Variants in EPHA6 observed in about 807,000 individuals in gnomAD.
EPHA6 encodes the protein EPH receptor A6, also known as ephrin type-A receptor 6.
EPHA6 carries 50 observed loss-of-function variants against 112.0 expected under a neutral mutation model. The ratio of observed to expected loss-of-function variants is 0.45; its 90% CI spans 0.36 to 0.56. The LOEUF (loss-of-function observed/expected upper bound fraction) is 0.56, where lower values mean the gene tolerates loss of function less well. Ranked by LOEUF, EPHA6 falls within the 20% of genes least tolerant of loss-of-function variation. EPHA6 has a pLI of 0.00. For missense variants in EPHA6, 1,280 were observed against 1,417.4 expected (o/e 0.90, Z 1.56); for synonymous variants, 529 against 490.7 (o/e 1.08, Z -1.03).
intron 2 of EPHA6, among the ~76,000 whole-genome samples, chr3:96,892,952 A>ATGTGTGTGTGTGTG (rs755651627): frequency 1.2e-4 from 17 of 140,784 alleles, no homozygotes; most frequent in African/African-American, 4.5e-4. Context: ...ATATATATAT[A>ATGTGTGTGTGTGTG]TATGTGTGTG....
intron 5 of EPHA6, among the ~76,000 whole-genome samples, chr3:97,255,756 G>A (rs2079290045): frequency 6.6e-6 from 1 of 152,060 alleles, no homozygotes; most frequent in South Asian, 2.1e-4. Context: ...AGTTGTAGCA[G>A]TTTATGTTAA....
At chr3:97,112,537 G>A (rs375288201) in intron 3 of EPHA6, among the ~76,000 whole-genome samples, 4 of 152,098 alleles carry the variant, frequency 2.6e-5, no homozygotes, top group African/African-American at 9.7e-5. Context: ...TTGTTTCAAA[G>A]GTGATAGTTT....
chr3:97,366,005 G>T (rs1423713588), intron 5 of EPHA6, among the ~76,000 whole-genome samples: 1 of 152,074 alleles, frequency 6.6e-6, no homozygotes, highest in Non-Finnish European at 1.5e-5. Flanking sequence ...AATTCATATT[G>T]CACCATCAAA....
At chr3:97,348,088 A>G (rs545300288) in intron 5 of EPHA6, among the ~76,000 whole-genome samples, 6 of 152,164 alleles carry the variant, frequency 3.9e-5, no homozygotes, top group Admixed American at 2.6e-4. Context: ...TTTTACATAC[A>G]TGCTTTCTAT....
intron 11 of EPHA6, among the ~76,000 whole-genome samples, chr3:97,536,552 C>T (rs2092767062): frequency 2.6e-5 from 4 of 152,082 alleles, no homozygotes; most frequent in East Asian, 1.9e-4. Flanking sequence ...GAAGTTATAA[C>T]AGAAAGTGCT....
chr3:97,492,974 CT>C (rs373733285), intron 10 of EPHA6, among the ~76,000 whole-genome samples: 7,994 of 130,744 alleles, frequency 0.061, 203 homozygotes, highest in South Asian at 0.095. Context: ...TAAGCTTTTC[CT>C]TTTTTTTTTT....
intron 12 of EPHA6, among the ~76,000 whole-genome samples, chr3:97,607,878 G>A (rs908959195): frequency 6.6e-6 from 1 of 151,032 alleles, no homozygotes; most frequent in Admixed American, 6.6e-5. Flanking sequence ...TACTGGAAAA[G>A]ACCAAAAAAC....
chr3:97,534,212 C>T (rs1217758363), intron 11 of EPHA6, among the ~76,000 whole-genome samples: 1 of 152,140 alleles, frequency 6.6e-6, no homozygotes, highest in Non-Finnish European at 1.5e-5. Flanking sequence ...ATTTAGCACC[C>T]TTTGTGCATC....
intron 6 of EPHA6, among the ~76,000 whole-genome samples, chr3:97,434,886 T>G (rs1048583952): frequency 6.6e-6 from 1 of 151,918 alleles, no homozygotes; most frequent in Non-Finnish European, 1.5e-5. Flanking sequence ...TTTCTTGCCC[T>G]TCTTCCCACC....
intron 10 of EPHA6, among the ~76,000 whole-genome samples, chr3:97,503,046 G>T (rs996966027): frequency 8.6e-5 from 13 of 151,592 alleles, no homozygotes; most frequent in African/African-American, 3.1e-4. Context: ...AAAAGGAAAA[G>T]AAGATATAAC....
At chr3:97,148,620 T>C (rs2076097430) in intron 3 of EPHA6, among the ~76,000 whole-genome samples, 1 of 152,112 alleles carries the variant, frequency 6.6e-6, no homozygotes. Flanking sequence ...ACTGTGTTAA[T>C]TCTCTATTTT....
At chr3:97,000,979 T>C (rs2043633628) in intron 3 of EPHA6, among the ~76,000 whole-genome samples, 1 of 132,346 alleles carries the variant, frequency 7.6e-6, no homozygotes, top group African/African-American at 3.2e-5. Context: ...AGCTTCTTAC[T>C]TTTTTTTTCT....
chr3:97,011,994 C>CT (rs1422084845), intron 3 of EPHA6, among the ~76,000 whole-genome samples: 2 of 152,086 alleles, frequency 1.3e-5, no homozygotes, highest in East Asian at 1.9e-4. Flanking sequence ...ATTTCTTTCT[C>CT]TTTTTTGTGG....
intron 5 of EPHA6, among the ~76,000 whole-genome samples, chr3:97,363,436 A>G (rs1281112562): frequency 6.7e-6 from 1 of 149,616 alleles, no homozygotes; most frequent in Non-Finnish European, 1.5e-5. Context: ...TTATCTCATT[A>G]TAAAAGAATT....
intron 3 of EPHA6, among the ~76,000 whole-genome samples, chr3:97,186,861 G>A (rs1164022431): frequency 6.6e-6 from 1 of 152,010 alleles, no homozygotes; most frequent in African/African-American, 2.4e-5. Context: ...CTTTTCACCT[G>A]TAACTACAAG....
At chr3:97,246,877 T>A (rs888021504) in intron 5 of EPHA6, among the ~76,000 whole-genome samples, 13 of 152,110 alleles carry the variant, frequency 8.5e-5, no homozygotes, top group Admixed American at 6.6e-4. Context: ...GTAAGGGTAA[T>A]GTTATGAACT....
At chr3:96,960,169 T>C (rs965572844) in intron 2 of EPHA6, among the ~76,000 whole-genome samples, 8 of 152,072 alleles carry the variant, frequency 5.3e-5, no homozygotes, top group African/African-American at 1.9e-4. Context: ...TAAGGACTAT[T>C]TTGAGGTATG....
chr3:97,700,353 C>T (rs1159102902), intron 14 of EPHA6, among the ~76,000 whole-genome samples: 1 of 152,134 alleles, frequency 6.6e-6, no homozygotes, highest in Non-Finnish European at 1.5e-5. Context: ...CTTCGATGAC[C>T]ATGTGGGATG....
chr3:97,740,191 T>G (rs905549977), intron 16 of EPHA6, among the ~76,000 whole-genome samples: 4 of 152,114 alleles, frequency 2.6e-5, no homozygotes, highest in African/African-American at 9.7e-5. Context: ...TATTCTGCAT[T>G]GTCTTCAACC....
Sources: gnomAD v4.1 joint callset for allele counts (sites outside exome capture counted in the v4.1 genomes callset) on GRCh38, gnomAD v4.1.1 for gene constraint, MANE v1.5 for transcripts, NCBI Gene and HGNC (gene_info 2026-07-23, HGNC 2026-07-21) for gene names.